Variants in DNAH9 observed in about 807,000 individuals in gnomAD.
The protein encoded by DNAH9 is dynein axonemal heavy chain 9, also known as DNAH9 variant protein.
A neutral mutation model predicts 471.6 loss-of-function variants in DNAH9; 345 were observed. The observed-to-expected ratio is 0.73, with a 90% CI of 0.67 to 0.80. DNAH9 has a LOEUF of 0.80. Ranked by LOEUF, DNAH9 falls within the 30% of genes least tolerant of loss-of-function variation. DNAH9 has a pLI of 0.00. For synonymous variants in DNAH9, 2,093 were observed against 2,123.6 expected (o/e 0.99, Z 0.40); for missense variants, 5,407 against 5,609.2 (o/e 0.96, Z 1.15).
chr17:11,746,570 G>A (rs935942074), intron 31 of DNAH9, among the ~76,000 whole-genome samples: 19 of 152,128 alleles, frequency 1.2e-4, no homozygotes, highest in African/African-American at 3.9e-4. Context: ...AACAGCATGG[G>A]GGAAACTGCC....
rs766825719 is a variant in DNAH9 at position 11,769,161 on chromosome 17, T to C, written c.7384T>C (p.Tyr2462His). ...VHTSETIRVC[Y>H]FMERLMARQR... is the part of the protein sequence containing the mutation. Reference sequence around the variant, plus strand: ...CACGAGTGAGACCATCCGTGTGTGCTACTTCATGGAGCGGTTGATGGCGCG... The same window carrying C: ...CACGAGTGAGACCATCCGTGTGTGCCACTTCATGGAGCGGTTGATGGCGCG... Residue 2462 changes from tyrosine to histidine, a missense_variant, in exon 38 of 69, where the codon TAC (tyrosine) becomes CAC (histidine). Tyr to His is a moderately conservative substitution (Grantham distance 83, BLOSUM62 2). Coordinates refer to ENST00000262442, the MANE Select transcript of DNAH9 (RefSeq NM_001372.4). 6 of 1,614,222 alleles carry C rather than the reference T, an allele frequency of 3.7e-6. No homozygotes were observed. In the South Asian group the frequency reaches 4.4e-5, roughly 12 times the overall value.
intron 44 of DNAH9, 99 bp from the exon 45 acceptor site, chr17:11,810,147 A>G (rs1164083178): frequency 1.4e-6 from 2 of 1,408,548 alleles, no homozygotes; most frequent in Non-Finnish European, 1.9e-6. Flanking sequence ...TTCCCATTCA[A>G]GCAGAGAAGA....
At position 11,946,663 on chromosome 17, in the gene DNAH9, CA is replaced by C. The variant is rs754149437; in HGVS notation, c.12843+4195del. Among the ~76,000 whole-genome samples the C allele has an allele frequency of 6.8e-3, 462 of 67,916 alleles. 3 individuals carry two copies. Among genetic ancestry groups the C allele is most frequent in the African/African-American group, 0.024 (377 of 15,896 alleles). The allele number at this position is 67,916 out of a possible 152,430, so 44.6% of individuals were successfully genotyped here. A position where few individuals can be genotyped will look rare whatever the true frequency, so the allele number is the denominator to read the frequency against. ...TGGGCCACAGAGCAAGACTCCATCT[CA>C]AAAAAAAAAAAAAAAAGAAAAAGAA... On this transcript the variant is annotated intron_variant, in intron 67 of 68. Coordinates refer to ENST00000262442, the MANE Select transcript of DNAH9 (RefSeq NM_001372.4).
At chr17:11,702,425 T>C (rs569233610) in intron 24 of DNAH9, among the ~76,000 whole-genome samples, 39 of 152,206 alleles carry the variant, frequency 2.6e-4, no homozygotes, top group Middle Eastern at 6.8e-3. Flanking sequence ...TGTTTGGGGG[T>C]TGCAGACATT....
At chr17:11,673,041 A>G in intron 17 of DNAH9, among the ~76,000 whole-genome samples, 1 of 152,100 alleles carries the variant, frequency 6.6e-6, no homozygotes. Flanking sequence ...GTTTAAACTC[A>G]GTGCTCCACA....
intron 50 of DNAH9, among the ~76,000 whole-genome samples, chr17:11,860,789 G>T (rs538775155): frequency 6.6e-6 from 1 of 152,058 alleles, no homozygotes; most frequent in East Asian, 1.9e-4. Context: ...TCGAACTCCC[G>T]ACCTCAGGTG....
intron 56 of DNAH9, among the ~76,000 whole-genome samples, chr17:11,884,155 C>A (rs1235101277): frequency 1.3e-5 from 2 of 152,100 alleles, no homozygotes; most frequent in East Asian, 3.9e-4. Context: ...CCTGACAAAA[C>A]CCACCGGACC....
intron 18 of DNAH9, 79 bp downstream of exon 18, chr17:11,680,058 A>G (rs1158379611): frequency 6.2e-6 from 7 of 1,135,316 alleles, no homozygotes; most frequent in Non-Finnish European, 9.0e-6. Context: ...AGTGGGGTAC[A>G]GCAAATGAAA....
chr17:11,851,773 G>A (rs1971429056), intron 49 of DNAH9, among the ~76,000 whole-genome samples: 1 of 152,062 alleles, frequency 6.6e-6, no homozygotes, highest in Admixed American at 6.5e-5. Flanking sequence ...AAATCTCCCT[G>A]TGTACTTCAT....
At chr17:11,745,207 A>G (rs2075503000) in intron 31 of DNAH9, 123 bp downstream of exon 31, 2 of 803,632 alleles carry the variant, frequency 2.5e-6, no homozygotes. Flanking sequence ...CTAGTTAGTA[A>G]TAACTCAATT....
At chr17:11,779,553 A>G (rs1968592708) in intron 38 of DNAH9, among the ~76,000 whole-genome samples, 1 of 152,102 alleles carries the variant, frequency 6.6e-6, no homozygotes, top group African/African-American at 2.4e-5. Context: ...CTCCTCAACG[A>G]TCCTTTTAAA....
At chr17:11,843,863 G>GTGTGTGTGTGTGTGTATATATATATATA (rs1253794533) in intron 49 of DNAH9, among the ~76,000 whole-genome samples, 6 of 46,464 alleles carry the variant, frequency 1.3e-4, no homozygotes, top group African/African-American at 1.6e-4. Flanking sequence ...GTGTGTGTGT[G>GTGTGTGTGTGTGTGTATATATATATATA]TATATATATA....
At chr17:11,780,261 G>GC (rs1968618302) in intron 38 of DNAH9, among the ~76,000 whole-genome samples, 2 of 152,218 alleles carry the variant, frequency 1.3e-5, no homozygotes, top group African/African-American at 4.8e-5. Flanking sequence ...GCTGGGGAGG[G>GC]CACCGTTCAT....
At chr17:11,880,973 A>G (rs563826807) in intron 54 of DNAH9, among the ~76,000 whole-genome samples, 3 of 152,132 alleles carry the variant, frequency 2.0e-5, no homozygotes, top group African/African-American at 4.8e-5. Context: ...CACAACAGGC[A>G]TGGCTCTTCC....
chr17:11,828,223 C>T (rs1970569624), intron 48 of DNAH9, among the ~76,000 whole-genome samples: 1 of 152,020 alleles, frequency 6.6e-6, no homozygotes, highest in Non-Finnish European at 1.5e-5. Context: ...CCTGTAATCC[C>T]AGCACTTTGG....
At chr17:11,788,295 TGGGTAGAGCCAAGGAGA>T (rs1419599639) in intron 41 of DNAH9, among the ~76,000 whole-genome samples, 1 of 152,170 alleles carries the variant, frequency 6.6e-6, no homozygotes, top group African/African-American at 2.4e-5. Context: ...AATAAACATC[TGGGTAGAGCCAAGGAGA>T]CCTAAGGGAA....
At chr17:11,660,981 C>T (rs2073749765) in intron 14 of DNAH9, among the ~76,000 whole-genome samples, 1 of 151,752 alleles carries the variant, frequency 6.6e-6, no homozygotes, top group Admixed American at 6.6e-5. Flanking sequence ...AAAATCTCCA[C>T]TTACAATTTT....
intron 53 of DNAH9, among the ~76,000 whole-genome samples, chr17:11,879,217 CAAAG>C (rs1227816276): frequency 2.6e-5 from 4 of 151,954 alleles, no homozygotes; most frequent in Non-Finnish European, 4.4e-5. Flanking sequence ...TCATAAAAAA[CAAAG>C]AAATAAAAAC....
Position 11,669,617 on chromosome 17 carries a change from A to G in DNAH9, c.3176A>G (p.Lys1059Arg). 6.2e-7 allele frequency: 1 copy of G among 1,614,154 alleles called. No homozygotes were observed. The highest frequency in any genetic ancestry group is 1.1e-5 in the South Asian group (1 of 91,078). ...PENPPLLSQF[K>R]VQIDSYETLY... ...AACCCTCCCCTCCTTTCTCAGTTTAAAGTGCAAATCGACTCCTATGAAACG... is the reference window on the plus strand; with the variant it reads ...AACCCTCCCCTCCTTTCTCAGTTTAGAGTGCAAATCGACTCCTATGAAACG... The change falls in exon 17 of 69, where the codon AAA becomes AGA. Residue 1059 changes from lysine to arginine, a missense_variant. Physicochemically the swap from Lys to Arg is conservative, Grantham distance 26. This residue lies in a region of DNAH9 where 4,636 missense variants were observed against 4,900.3 expected (regional missense o/e 0.95). Coordinates refer to ENST00000262442, the MANE Select transcript of DNAH9 (RefSeq NM_001372.4).
Sources: gnomAD v4.1 joint callset for allele counts (sites outside exome capture counted in the v4.1 genomes callset) on GRCh38, gnomAD v4.1.1 for gene constraint, gnomAD v4.1.1 regional missense constraint, MANE v1.5 for transcripts, NCBI Gene and HGNC (gene_info 2026-07-23, HGNC 2026-07-21) for gene names.